Variants in TMEM245 observed in about 807,000 individuals in gnomAD.
The protein encoded by TMEM245 is protein CG-2.
In TMEM245, 69 loss-of-function variants were observed where a neutral mutation model predicts 101.2. The observed-to-expected ratio is 0.68, with a 90% confidence interval of 0.56 to 0.83. The LOEUF is 0.83. TMEM245 is among the 40% of genes least tolerant of loss of function. TMEM245 has a pLI of 0.00. For missense variants in TMEM245, 1,075 were observed against 1,092.8 expected, an observed-to-expected ratio of 0.98 and a Z score of 0.23; for synonymous variants, 537 against 449.8, an observed-to-expected ratio of 1.19 and a Z score of -2.45.
intron 3 of TMEM245, among the ~76,000 whole-genome samples, chr9:109,097,158 AGTAAGCT>A (rs1830162897): frequency 1.3e-5 from 2 of 152,184 alleles, no homozygotes; most frequent in Admixed American, 1.3e-4. Context: ...TTTTAACAAA[AGTAAGCT>A]AGATAAAGAA....
chr9:109,069,505 C>T (rs1020997968), intron 9 of TMEM245, among the ~76,000 whole-genome samples: 1 of 152,092 alleles, frequency 6.6e-6, no homozygotes, highest in Admixed American at 6.6e-5. Flanking sequence ...GACAGAAGAC[C>T]TCACTTCTTA....
At chr9:109,050,743 T>G in intron 12 of TMEM245, 51 bp from the exon 13 acceptor site, 1 of 1,607,762 alleles carries the variant, frequency 6.2e-7, no homozygotes, top group African/African-American at 1.4e-5. Flanking sequence ...TGAAAAAAGT[T>G]TCTAGAGCCA....
Position 109,057,336 on chromosome 9 carries a change from CA to C in TMEM245, c.1723-15del, listed in dbSNP as rs755154592. On this transcript the variant is annotated splice_polypyrimidine_tract_variant and intron_variant, in intron 11 of 17. Transcript: ENST00000374586. ...GTGTGTTACATTCTATGGAATAAAA[CA>C]GTGCAGACATGAAATTCCCATCTTA... is the stretch of plus-strand genomic sequence containing the variant. 118 of 1,602,184 alleles carry C rather than the reference CA, an allele frequency of 7.4e-5. No homozygotes were observed. The highest frequency in any genetic ancestry group is 8.2e-5 in the Non-Finnish European group (96 of 1,173,786).
In TMEM245 at chr9:109,073,835, A is replaced by T. The variant is rs1482577672; in HGVS notation, c.1450-397T>A. Among the ~76,000 whole-genome samples, 7 of 151,034 alleles carry T rather than the reference A, an allele frequency of 4.6e-5. No homozygotes were observed. The Admixed American group carries it at 4.6e-4, about 10-fold the overall frequency. Reference sequence around the variant, plus strand: ...GCAGTGTGAGACAAACAGGCAAATAAGGAACTAACTTTTTTTTTTTGTTTT... The same window carrying T: ...GCAGTGTGAGACAAACAGGCAAATATGGAACTAACTTTTTTTTTTTGTTTT... On this transcript the variant is annotated intron_variant, in intron 8 of 17. Transcript: ENST00000374586.
rs1231968371 is a variant in TMEM245, at chr9:109,060,393, T to C, written c.1683A>G (p.Leu561=). The change falls in exon 11 of 18, where the codon CTA becomes CTG. Residue 561 remains leucine (L), a synonymous_variant. Transcript: ENST00000374586. ...NNTAVIEKQV[L]ELWDRLYHSW... is the part of the protein sequence containing the mutation. ...AGTGATACAGTCTGTCCCAAAGTTCTAGTACTTGCTTTTCAATTACAGCAG... is the reference window on the plus strand; with the variant it reads ...AGTGATACAGTCTGTCCCAAAGTTCCAGTACTTGCTTTTCAATTACAGCAG... 2 of 1,613,776 alleles carry C rather than the reference T, an allele frequency of 1.2e-6. No individual in the cohort carries two copies. Among genetic ancestry groups the C allele is most frequent in the Non-Finnish European group, 1.7e-6 (2 of 1,179,876 alleles).
chr9:109,031,463 TATGA>T (rs1437215954), intron 17 of TMEM245, among the ~76,000 whole-genome samples: 25 of 152,108 alleles, frequency 1.6e-4, no homozygotes, highest in Non-Finnish European at 3.1e-4. Flanking sequence ...CATCCAACAA[TATGA>T]ATGAATCACA....
chr9:109,022,270 T>C (rs1412099826), intron 17 of TMEM245, among the ~76,000 whole-genome samples: 2 of 152,190 alleles, frequency 1.3e-5, no homozygotes, highest in South Asian at 2.1e-4. Flanking sequence ...CAGCTCTACT[T>C]TGAAAAACTG....
At chr9:109,113,489 T>C (rs1287085373) in intron 1 of TMEM245, among the ~76,000 whole-genome samples, 9 of 152,236 alleles carry the variant, frequency 5.9e-5, no homozygotes, top group African/African-American at 2.4e-5. Context: ...ATACATTCCA[T>C]AGTCGTTTTT....
At position 109,087,209 on chromosome 9, in the gene TMEM245, G is replaced by A. The variant is rs771275338; in HGVS notation, c.1284C>T (p.Val428=). The A allele has an allele frequency of 4.0e-5, 64 of 1,611,382 alleles. No individual in the cohort carries two copies. The highest frequency in any genetic ancestry group is 8.0e-5 in the African/African-American group (6 of 74,724). The part of the protein sequence containing the change: ...RQGALAPWPI[V]GLGKFLLKVD... ...CTTTTAACAAGAATTTTCCAAGCCC[G>A]ACAATGGGCCAAGGCGCGAGAGCTC... is the stretch of plus-strand genomic sequence containing the variant. The change falls in exon 6 of 18, where the codon GTC becomes GTT. Residue 428 remains valine, a synonymous_variant. Transcript: ENST00000374586.
chr9:109,072,711 T>C (rs1829372365), intron 9 of TMEM245, among the ~76,000 whole-genome samples: 1 of 152,188 alleles, frequency 6.6e-6, no homozygotes, highest in African/African-American at 2.4e-5. Context: ...TGGGAATATG[T>C]CAATAATTAT....
intron 3 of TMEM245, among the ~76,000 whole-genome samples, chr9:109,097,134 A>T (rs1032267657): frequency 6.6e-6 from 1 of 152,248 alleles, no homozygotes; most frequent in Non-Finnish European, 1.5e-5. Flanking sequence ...GAAAGATGCC[A>T]TCCTTTAAAT....
At chr9:109,051,295 AACACACAC>A (rs67093439) in intron 12 of TMEM245, among the ~76,000 whole-genome samples, 76 of 135,228 alleles carry the variant, frequency 5.6e-4, no homozygotes, top group African/African-American at 1.5e-3. Flanking sequence ...TCTGTCTCAA[AACACACAC>A]ACACACACAC....
At chr9:109,042,244 C>T (rs1323611636) in intron 14 of TMEM245, 1 of 152,160 alleles carries the variant, frequency 6.6e-6, no homozygotes, top group African/African-American at 2.4e-5. Context: ...CCTGTTGCAG[C>T]TGTAATAAAT....
chr9:109,025,395 C>G (rs12005034), intron 17 of TMEM245, among the ~76,000 whole-genome samples: 22,635 of 152,092 alleles, frequency 0.15, 1,906 homozygotes, highest in African/African-American at 0.19. Flanking sequence ...ATTGTACTTT[C>G]GGTATTTAAT....
At chr9:109,095,875 T>C (rs1444757813) in intron 3 of TMEM245, among the ~76,000 whole-genome samples, 1 of 152,168 alleles carries the variant, frequency 6.6e-6, no homozygotes, top group Non-Finnish European at 1.5e-5. Flanking sequence ...TATAAGACCA[T>C]TCTTGCTTGT....
intron 5 of TMEM245, 29 bp from the exon 6 acceptor site, chr9:109,087,371 A>T (rs777801540): frequency 2.1e-5 from 33 of 1,550,288 alleles, no homozygotes; most frequent in Non-Finnish European, 2.5e-5. Flanking sequence ...TACATATATA[A>T]ACAAAATATA....
In TMEM245 at chr9:109,086,038, A is replaced by C. The variant is rs768775386; in HGVS notation, c.1321-18T>G. ...TGCCAGAGCTTGAGGATAGGGGGTA[A>C]GGTGAGAAAGAGAAGATAAGAACAG... On this transcript the variant is annotated intron_variant, in intron 6 of 17. Coordinates refer to ENST00000374586, the MANE Select transcript of TMEM245 (RefSeq NM_032012.4). The C allele has an allele frequency of 1.9e-6, 3 of 1,613,518 alleles. No homozygotes were observed. Among genetic ancestry groups the C allele is most frequent in the Non-Finnish European group, 2.5e-6 (3 of 1,179,496 alleles).
chr9:109,016,384 T>G lies in TMEM245; in HGVS notation c.*4076A>C, dbSNP rs1247841750. The G allele has an allele frequency of 6.6e-6, 1 of 151,700 alleles. No homozygotes were observed. Among genetic ancestry groups the G allele is most frequent in the Non-Finnish European group, 1.5e-5 (1 of 67,972 alleles). The allele number at this position is 151,700 out of a possible 1,614,324, so 9.4% of individuals were successfully genotyped here. On this transcript the variant is annotated 3_prime_UTR_variant, in exon 18 of 18. Transcript: ENST00000374586. Reference sequence around the variant, plus strand: ...CATTTTGCCAAAAGCTGCTCAACCATGAAGAAAAGGAAAGAGAAGTAGAAC... The same window carrying G: ...CATTTTGCCAAAAGCTGCTCAACCAGGAAGAAAAGGAAAGAGAAGTAGAAC...
intron 9 of TMEM245, among the ~76,000 whole-genome samples, chr9:109,071,211 T>C (rs1435602433): frequency 6.6e-6 from 1 of 152,050 alleles, no homozygotes; most frequent in Non-Finnish European, 1.5e-5. Flanking sequence ...GAGTCATCCA[T>C]GTTGGTACAT....
Sources: allele counts gnomAD v4.1 joint callset (sites outside exome capture counted in the v4.1 genomes callset), GRCh38; gene constraint gnomAD v4.1.1; transcripts MANE v1.5; gene names NCBI Gene and HGNC (gene_info 2026-07-23, HGNC 2026-07-21).